LRRC75A: variants seen among roughly 807,000 people sequenced by gnomAD.
LRRC75A encodes leucine rich repeat containing 75A.
LRRC75A carries 12 observed loss-of-function variants against 26.0 expected under a neutral mutation model. That is an observed-to-expected ratio of 0.46 (90% confidence interval 0.30 to 0.75). The LOEUF is 0.75. Among genes scored for constraint, LRRC75A ranks in the 30% least tolerant of loss-of-function variants. The pLI is 0.08. For missense variants in LRRC75A, 410 were observed against 486.6 expected (o/e 0.84, Z 1.48); for synonymous variants, 223 against 219.3 (o/e 1.02, Z -0.15).
chr17:16,491,937 G>A lies in LRRC75A; in HGVS notation c.54C>T (p.Ala18=). ...GSLAERASPG[A]APGPRRERPD... ...GCCGTTCGCGTCGGGGGCCCGGCGC[G>A]GCGCCGGGGCTGGCTCTCTCCGCCA... Residue 18 remains alanine, a synonymous_variant, in exon 1 of 4, where the codon GCC becomes GCT. Transcript: ENST00000470794. The surrounding 1 kb of genome is among the most constrained non-coding windows in gnomAD (Gnocchi z 5.9). The A allele has an allele frequency of 8.0e-7, 1 of 1,242,832 alleles. No homozygotes were observed. The highest frequency in any genetic ancestry group is 1.0e-6 in the Non-Finnish European group (1 of 996,264). The allele number at this position is 1,242,832 out of a possible 1,614,324, so 77.0% of individuals were successfully genotyped here. A position where few individuals can be genotyped will look rare whatever the true frequency, so the allele number is the denominator to read the frequency against.
At chr17:16,489,337 A>G (rs2093852799) in intron 1 of LRRC75A, among the ~76,000 whole-genome samples, 1 of 151,932 alleles carries the variant, frequency 6.6e-6, no homozygotes. Flanking sequence ...CTCCCACCCC[A>G]GAGGCCTGCA....
At position 16,491,718 on chromosome 17, in the gene LRRC75A, C is replaced by T. The variant is rs368307828; in HGVS notation, c.246+27G>A. The T allele has an allele frequency of 3.3e-3, 4,320 of 1,297,314 alleles. 109 individuals carry two copies. In the Admixed American group the frequency reaches 0.045, roughly 14 times the overall value. 80.4% of individuals were successfully genotyped at this position (1,297,314 alleles called of 1,614,324 possible). On this transcript the variant is annotated intron_variant, in intron 1 of 3. Coordinates refer to ENST00000470794, the MANE Select transcript of LRRC75A (RefSeq NM_001113567.3). The surrounding 1 kb of genome is among the most constrained non-coding windows in gnomAD (Gnocchi z 5.9). ...CCAGCACGCCCCCTGGCCCGGCGCG[C>T]CCCCCGCGCCCCCTCCCCGCGCTCA...
In LRRC75A at chr17:16,478,036, C is replaced by A. The variant is rs906015687; in HGVS notation, c.246+13709G>T. 9.9e-5 allele frequency among the ~76,000 whole-genome samples: 15 copies of A among 151,754 alleles called. No homozygotes were observed. In the South Asian group the frequency reaches 2.9e-3, roughly 30 times the overall value. On this transcript the variant is annotated intron_variant, in intron 1 of 3. Coordinates refer to ENST00000470794, the MANE Select transcript of LRRC75A (RefSeq NM_001113567.3). ...ATCTCAGGCCTCTCTCTCCATCCAG[C>A]GTCCCTGCTCTCACCCTGAGGGTCT...
chr17:16,476,946 GC>G (rs1041806724), intron 1 of LRRC75A, among the ~76,000 whole-genome samples: 9 of 151,364 alleles, frequency 5.9e-5, no homozygotes, highest in Non-Finnish European at 1.0e-4. Flanking sequence ...CACCGTGTTA[GC>G]CAGGATGGTC....
intron 1 of LRRC75A, among the ~76,000 whole-genome samples, chr17:16,484,116 T>A (rs1366754643): frequency 1.3e-5 from 2 of 151,946 alleles, no homozygotes; most frequent in Non-Finnish European, 1.5e-5. Context: ...GGTGGGCGGA[T>A]CATGAAGTCA....
chr17:16,472,581 G>A (rs2093809981), intron 1 of LRRC75A, among the ~76,000 whole-genome samples: 2 of 152,174 alleles, frequency 1.3e-5, no homozygotes, highest in Non-Finnish European at 2.9e-5. Context: ...TACACAGGGT[G>A]GCCCTGGAGC....
chr17:16,454,865 C>A (rs970728473), intron 2 of LRRC75A, among the ~76,000 whole-genome samples: 5 of 151,806 alleles, frequency 3.3e-5, no homozygotes, highest in Admixed American at 6.6e-5. Context: ...CTCATGTAAT[C>A]CTCCTGTATC....
At chr17:16,471,032 C>T (rs1055623618) in intron 1 of LRRC75A, among the ~76,000 whole-genome samples, 1 of 151,514 alleles carries the variant, frequency 6.6e-6, no homozygotes, top group Non-Finnish European at 1.5e-5. Context: ...CATGCCCATG[C>T]GCTTGTGCCC....
intron 1 of LRRC75A, among the ~76,000 whole-genome samples, chr17:16,481,611 C>T (rs1328780499): frequency 6.6e-6 from 1 of 152,088 alleles, no homozygotes; most frequent in Non-Finnish European, 1.5e-5. Flanking sequence ...ACTGGCTACC[C>T]CCTGCCTCCC....
rs1380549757 is a variant in LRRC75A, at chr17:16,442,525, T to C, written c.*1063A>G. The C allele has an allele frequency of 6.6e-6, 1 of 152,234 alleles. No homozygotes were observed. Among genetic ancestry groups the C allele is most frequent in the Non-Finnish European group, 1.5e-5 (1 of 68,048 alleles). 9.4% of individuals were successfully genotyped at this position (152,234 alleles called of 1,614,324 possible). A position where few individuals can be genotyped will look rare whatever the true frequency, so the allele number is the denominator to read the frequency against. On this transcript the variant is annotated 3_prime_UTR_variant, in exon 4 of 4. Coordinates refer to ENST00000470794, the MANE Select transcript of LRRC75A (RefSeq NM_001113567.3). ...ACAGTATTTGGGTAAGGGGAGGGTA[T>C]AAGATGAGAACCTTTGCTAAGTTAG...
chr17:16,484,910 G>A (rs867306585), intron 1 of LRRC75A, among the ~76,000 whole-genome samples: 8 of 151,484 alleles, frequency 5.3e-5, no homozygotes, highest in African/African-American at 1.2e-4. Flanking sequence ...AGCAGCAGCC[G>A]TCGGCAGAGC....
intron 1 of LRRC75A, among the ~76,000 whole-genome samples, chr17:16,488,317 C>T (rs1480379644): frequency 6.6e-6 from 1 of 152,216 alleles, no homozygotes; most frequent in Non-Finnish European, 1.5e-5. Flanking sequence ...GCTCCAGATG[C>T]TTCTAAATGT....
rs1368176146 is a variant in LRRC75A, at chr17:16,443,702, A to C, written c.921T>G (p.Ser307Arg). ...CTGTCCCTTCCCGGACCTCCTCCCCACTGCCTGGGCCCTCACCCAGCTCCA... is the reference window on the plus strand; with the variant it reads ...CTGTCCCTTCCCGGACCTCCTCCCCCCTGCCTGGGCCCTCACCCAGCTCCA... ...TILELGEGPG[S>R]GEEVREGTVG... is the part of the protein sequence containing the mutation. Residue 307 changes from serine (S) to arginine (R), a missense_variant, in exon 4 of 4, where the codon AGT becomes AGG. Coordinates refer to ENST00000470794, the MANE Select transcript of LRRC75A (RefSeq NM_001113567.3). 6.2e-7 allele frequency: 1 copy of C among 1,611,616 alleles called. No individual in the cohort carries two copies. The highest frequency in any genetic ancestry group is 2.2e-5 in the East Asian group (1 of 44,772).
At chr17:16,472,675 GTA>G (rs2093810408) in intron 1 of LRRC75A, among the ~76,000 whole-genome samples, 1 of 152,214 alleles carries the variant, frequency 6.6e-6, no homozygotes, top group Non-Finnish European at 1.5e-5. Flanking sequence ...GCGTATCAGA[GTA>G]TCTAACAGAT....
At chr17:16,458,322 AAAAG>A in intron 2 of LRRC75A, among the ~76,000 whole-genome samples, 1 of 152,184 alleles carries the variant, frequency 6.6e-6, no homozygotes, top group South Asian at 2.1e-4. Context: ...AGAAAGAAAG[AAAAG>A]AAAGGAAAGA....
In LRRC75A at chr17:16,462,514, TGCA is replaced by T; in HGVS notation, c.247-131_247-129del. On this transcript the variant is annotated intron_variant, in intron 1 of 3. Transcript: ENST00000470794. This position sits in a 1 kb window ranked among gnomAD's most constrained non-coding sequence, Gnocchi z 4.6. ...TCCCAGAGCCCCGGTGGGGAGCATCTGCAGAACTTCCCTCAGGGGCTGGGGCAG... is the reference window on the plus strand; with the variant it reads ...TCCCAGAGCCCCGGTGGGGAGCATCTGAACTTCCCTCAGGGGCTGGGGCAG... 7.9e-7 allele frequency: 1 copy of T among 1,262,292 alleles called. No individual in the cohort carries two copies. Among genetic ancestry groups the T allele is most frequent in the South Asian group, 1.5e-5 (1 of 68,640 alleles). 78.2% of individuals were successfully genotyped at this position (1,262,292 alleles called of 1,614,324 possible).
Position 16,443,487 on chromosome 17 carries a change from G to T in LRRC75A, c.*101C>A. The T allele has an allele frequency of 1.7e-6, 2 of 1,154,130 alleles. No individual in the cohort carries two copies. The highest frequency in any genetic ancestry group is 2.4e-6 in the Non-Finnish European group (2 of 849,358). The allele number at this position is 1,154,130 out of a possible 1,614,324, so 71.5% of individuals were successfully genotyped here. On this transcript the variant is annotated 3_prime_UTR_variant, in exon 4 of 4. Coordinates refer to ENST00000470794, the MANE Select transcript of LRRC75A (RefSeq NM_001113567.3). ...AGGTGGGTGGCCCAGGCCAATTTTT[G>T]GCAATATCCTTAACCCACCTGATAG...
rs1389127901 is a variant in LRRC75A at position 16,441,649 on chromosome 17, T to C, written c.*1939A>G. On this transcript the variant is annotated 3_prime_UTR_variant, in exon 4 of 4. Coordinates refer to ENST00000470794, the MANE Select transcript of LRRC75A (RefSeq NM_001113567.3). ...AGTGTGGTGGCACAATCACAGCTCA[T>C]TGCATCCTCAATCACCCAGGCCTAA... is the stretch of plus-strand genomic sequence containing the variant. 4 of 338,220 alleles carry C rather than the reference T, an allele frequency of 1.2e-5. No homozygotes were observed. The highest frequency in any genetic ancestry group is 4.3e-5 in the African/African-American group (2 of 46,118). The allele number at this position is 338,220 out of a possible 1,614,324, so 21.0% of individuals were successfully genotyped here.
At chr17:16,444,222 C>T (rs934527638) in intron 3 of LRRC75A, 91 bp from the exon 4 acceptor site, 238 of 1,083,360 alleles carry the variant, frequency 2.2e-4, no homozygotes, top group Non-Finnish European at 2.9e-4. Context: ...GGCTCTCCGA[C>T]GCTAGGGACT....
Sources: allele counts gnomAD v4.1 joint callset (sites outside exome capture counted in the v4.1 genomes callset), GRCh38; gene constraint gnomAD v4.1.1; non-coding constraint Gnocchi (gnomAD v3.1); transcripts MANE v1.5; gene names NCBI Gene and HGNC (gene_info 2026-07-23, HGNC 2026-07-21).